Variants in TMOD1 observed in about 807,000 individuals in gnomAD.
TMOD1 encodes tropomodulin-1.
Under a neutral mutation model 40.6 loss-of-function variants are expected in TMOD1, and 17 were observed. The observed-to-expected ratio is 0.42, with a 90% CI of 0.29 to 0.63. The LOEUF is 0.63. TMOD1 is among the 20% of genes least tolerant of loss of function. The pLI, the probability that TMOD1 is intolerant of heterozygous loss-of-function variation, is 0.22. For synonymous variants in TMOD1, 181 were observed against 175.0 expected (o/e 1.03, Z -0.27); for missense variants, 391 against 447.6 (o/e 0.87, Z 1.14).
intron 1 of TMOD1, among the ~76,000 whole-genome samples, chr9:97,515,460 T>G (rs896306925): frequency 6.6e-6 from 1 of 151,810 alleles, no homozygotes; most frequent in Non-Finnish European, 1.5e-5. Context: ...TTCTATCTTT[T>G]GTAGAGACAG....
intron 8 of TMOD1, 53 bp from the exon 9 acceptor site, chr9:97,591,238 C>G (rs1825993044): frequency 5.2e-6 from 8 of 1,530,950 alleles, no homozygotes; most frequent in Non-Finnish European, 7.0e-6. Flanking sequence ...GCACTGTACA[C>G]ATGGAATGAG....
chr9:97,540,736 A>G (rs1013870024), intron 2 of TMOD1, among the ~76,000 whole-genome samples: 4 of 152,112 alleles, frequency 2.6e-5, no homozygotes, highest in Admixed American at 2.0e-4. Context: ...GATAATATTC[A>G]ATTGTATGGG....
intron 4 of TMOD1, among the ~76,000 whole-genome samples, chr9:97,558,773 G>T (rs1830570914): frequency 6.6e-6 from 1 of 152,162 alleles, no homozygotes; most frequent in African/African-American, 2.4e-5. Context: ...AGTCAAACAG[G>T]ATAAAAACAT....
Position 97,556,866 on chromosome 9 carries a change from C to T in TMOD1, c.397+3466C>T, listed in dbSNP as rs7040125. ...GCGGAGAAGGTCCAGGGCTTGGGAG[C>T]GGCAGGAGGAGCGGTTCCGGGCTGG... On this transcript the variant is annotated intron_variant, in intron 4 of 9. Transcript: ENST00000259365. Among the ~76,000 whole-genome samples, 328 of 152,182 alleles carry T rather than the reference C, an allele frequency of 2.2e-3. 1 individual carries two copies. Among genetic ancestry groups the T allele is most frequent in the African/African-American group, 7.6e-3 (315 of 41,512 alleles).
chr9:97,527,139 A>AG (rs1830028404), intron 2 of TMOD1, among the ~76,000 whole-genome samples: 1 of 152,212 alleles, frequency 6.6e-6, no homozygotes, highest in African/African-American at 2.4e-5. Context: ...TGTTTCAGTA[A>AG]AAACAAGCCA....
At position 97,557,364 on chromosome 9, in the gene TMOD1, T is replaced by C. The variant is rs1322682419; in HGVS notation, c.397+3964T>C. ...GCCCACTCAGGGAGGTGATGCTGGC[T>C]GGCTTTAGGGACCCTTCAGGTGGGG... On this transcript the variant is annotated intron_variant, in intron 4 of 9. Transcript: ENST00000259365. The surrounding 1 kb of genome is among the most constrained non-coding windows in gnomAD (Gnocchi z 4.4). Among the ~76,000 whole-genome samples, 1 of 152,086 alleles carries C rather than the reference T, an allele frequency of 6.6e-6. No homozygotes were observed. Among genetic ancestry groups the C allele is most frequent in the African/African-American group, 2.4e-5 (1 of 41,412 alleles).
chr9:97,509,513 T>G (rs201332142), intron 1 of TMOD1, among the ~76,000 whole-genome samples: 1 of 110,460 alleles, frequency 9.1e-6, no homozygotes, highest in Non-Finnish European at 2.0e-5. Context: ...TTTTTTTTTG[T>G]TTTTTGTTTT....
intron 2 of TMOD1, among the ~76,000 whole-genome samples, chr9:97,542,880 A>C (rs1830296490): frequency 6.6e-6 from 1 of 151,926 alleles, no homozygotes; most frequent in Non-Finnish European, 1.5e-5. Flanking sequence ...AAGAAAATAA[A>C]AGAAATGTGG....
chr9:97,594,841 A>G (rs1564001900), intron 9 of TMOD1, among the ~76,000 whole-genome samples: 1 of 81,128 alleles, frequency 1.2e-5, no homozygotes, highest in Non-Finnish European at 2.5e-5. Flanking sequence ...TATAGCAAAG[A>G]GCCAGGCCAA....
chr9:97,553,820 T>C (rs1830490337), intron 4 of TMOD1, among the ~76,000 whole-genome samples: 1 of 152,220 alleles, frequency 6.6e-6, no homozygotes, highest in Admixed American at 6.5e-5. Context: ...GCACTTTGCC[T>C]GCAGTTGGCT....
chr9:97,549,832 C>T (rs546344219), intron 3 of TMOD1, among the ~76,000 whole-genome samples: 9 of 152,238 alleles, frequency 5.9e-5, no homozygotes, highest in Middle Eastern at 3.4e-3. Context: ...TAATCATCTC[C>T]GTACCTCCAC....
chr9:97,515,974 C>T (rs1317758092), intron 1 of TMOD1, among the ~76,000 whole-genome samples: 1 of 152,168 alleles, frequency 6.6e-6, no homozygotes, highest in East Asian at 1.9e-4. Context: ...ATAATTATTG[C>T]ACCACCTTTT....
intron 8 of TMOD1, among the ~76,000 whole-genome samples, chr9:97,575,076 CTT>C (rs1587953202): frequency 6.6e-6 from 1 of 152,220 alleles, no homozygotes; most frequent in East Asian, 1.9e-4. Flanking sequence ...ACTGTGGAAA[CTT>C]TGTTCTTTCT....
intron 5 of TMOD1, 89 bp from the exon 6 acceptor site, chr9:97,563,949 G>GCACATGCTCCCTTC (rs1830681341): frequency 6.6e-7 from 1 of 1,525,738 alleles, no homozygotes; most frequent in African/African-American, 1.4e-5. Flanking sequence ...CCCCAACCCT[G>GCACATGCTCCCTTC]CACATGCTCC....
Position 97,601,342 on chromosome 9 carries a change from G to A in TMOD1, c.*1644G>A. ...AAGACTGGGCAGCCACCATGGCAGT[G>A]CTGGATGACCTCAGTAAGAATGTGT... On this transcript the variant is annotated 3_prime_UTR_variant, in exon 10 of 10. Transcript: ENST00000259365. 2 of 1,142,888 alleles carry A rather than the reference G, an allele frequency of 1.7e-6. No homozygotes were observed. Among genetic ancestry groups the A allele is most frequent in the Non-Finnish European group, 2.2e-6 (2 of 915,512 alleles). 70.8% of individuals were successfully genotyped at this position (1,142,888 alleles called of 1,614,324 possible).
Position 97,502,191 on chromosome 9 carries a change from G to A in TMOD1, c.-49+388G>A, listed in dbSNP as rs1829513224. Among the ~76,000 whole-genome samples, 1 of 152,190 alleles carries A rather than the reference G, an allele frequency of 6.6e-6. No homozygotes were observed. Among genetic ancestry groups the A allele is most frequent in the East Asian group, 1.9e-4 (1 of 5,158 alleles). On this transcript the variant is annotated intron_variant, in intron 1 of 9. Coordinates refer to ENST00000259365, the MANE Select transcript of TMOD1 (RefSeq NM_003275.4). This position sits in a 1 kb window ranked among gnomAD's most constrained non-coding sequence, Gnocchi z 6.1. ...GGACTCCAGCGCGGCGGGGCTCTGA[G>A]CCCGCGGGGTGCTCAGCTGGGTACA...
At chr9:97,510,765 T>C (rs1348131089) in intron 1 of TMOD1, among the ~76,000 whole-genome samples, 1 of 152,150 alleles carries the variant, frequency 6.6e-6, no homozygotes, top group African/African-American at 2.4e-5. Context: ...AGAACTCTGA[T>C]GGCCTCTCTT....
At chr9:97,507,915 T>G (rs1438878424) in intron 1 of TMOD1, among the ~76,000 whole-genome samples, 2 of 152,088 alleles carry the variant, frequency 1.3e-5, no homozygotes. Context: ...GAGGGCATAG[T>G]AGTTAAGGCG....
chr9:97,581,976 G>C (rs1465216140), intron 8 of TMOD1, among the ~76,000 whole-genome samples: 1 of 148,998 alleles, frequency 6.7e-6, no homozygotes, highest in African/African-American at 2.5e-5. Flanking sequence ...AGTTTCTTTT[G>C]CTGTGCAGAA....
Sources: allele counts gnomAD v4.1 joint callset (sites outside exome capture counted in the v4.1 genomes callset), GRCh38; gene constraint gnomAD v4.1.1; non-coding constraint Gnocchi (gnomAD v3.1); transcripts MANE v1.5; gene names NCBI Gene and HGNC (gene_info 2026-07-23, HGNC 2026-07-21).